The following LYG1 variants were observed in gnomAD, a reference collection of about 807,000 sequenced individuals.
LYG1 encodes the protein lysozyme g1, also known as lysozyme g-like protein 1.
In LYG1, 17 loss-of-function variants were observed where a neutral mutation model predicts 21.7. The ratio of observed to expected loss-of-function variants is 0.78; its 90% CI spans 0.54 to 1.18. The LOEUF is 1.18. Ranked by LOEUF, LYG1 falls within the 50% of genes most tolerant of loss-of-function variation. The pLI is 0.00. For synonymous variants in LYG1, 81 were observed against 87.4 expected, an observed-to-expected ratio of 0.93 and a Z score of 0.41; for missense variants, 211 against 238.1, an observed-to-expected ratio of 0.89 and a Z score of 0.75.
At chr2:99,284,604 G>A in intron 6 of LYG1, 84 bp downstream of exon 6, 1 of 1,592,942 alleles carries the variant, frequency 6.3e-7, no homozygotes, top group Non-Finnish European at 8.6e-7. Context: ...GGCAGCTGGA[G>A]TTTCGGGGAA....
chr2:99,302,201 C>G (rs1372255866), upstream of LYG1, among the ~76,000 whole-genome samples: 3 of 152,230 alleles, frequency 2.0e-5, no homozygotes, highest in Non-Finnish European at 4.4e-5. Flanking sequence ...CAGTAAAACA[C>G]GTGGAATCAA....
chr2:99,288,956 C>T (rs2094110512), intron 5 of LYG1, among the ~76,000 whole-genome samples: 1 of 152,116 alleles, frequency 6.6e-6, no homozygotes, highest in African/African-American at 2.4e-5. Flanking sequence ...TTCCAGCACC[C>T]ATCATATTGA....
chr2:99,297,162 T>C (rs777812909), intron 2 of LYG1, among the ~76,000 whole-genome samples: 24 of 152,358 alleles, frequency 1.6e-4, no homozygotes, highest in Admixed American at 9.1e-4. Flanking sequence ...CAAAATGTCA[T>C]GGTCAGTCCC....
At chr2:99,290,980 A>T (rs190550497) in intron 5 of LYG1, among the ~76,000 whole-genome samples, 1 of 152,308 alleles carries the variant, frequency 6.6e-6, no homozygotes, top group Non-Finnish European at 1.5e-5. Flanking sequence ...CTCTTGGACC[A>T]CTTAGGTCCA....
intron 5 of LYG1, among the ~76,000 whole-genome samples, chr2:99,289,153 C>T (rs1235747893): frequency 1.3e-5 from 2 of 152,062 alleles, no homozygotes; most frequent in African/African-American, 4.8e-5. Context: ...AGTCAGTAAA[C>T]TAGACTTAAA....
At chr2:99,302,828 G>C (rs1448987227), upstream of LYG1, among the ~76,000 whole-genome samples, 1 of 151,902 alleles carries the variant, frequency 6.6e-6, no homozygotes, top group African/African-American at 2.4e-5. Flanking sequence ...GACCAGCCTG[G>C]CCAACATGGC....
At chr2:99,291,143 T>C in intron 5 of LYG1, 94 bp downstream of exon 5, 1 of 1,211,126 alleles carries the variant, frequency 8.3e-7, no homozygotes, top group Non-Finnish European at 1.2e-6. Flanking sequence ...CCTTCATTCA[T>C]GCTGTGTTCT....
intron 5 of LYG1, among the ~76,000 whole-genome samples, chr2:99,289,709 T>C (rs1470647877): frequency 6.6e-6 from 1 of 152,152 alleles, no homozygotes; most frequent in Non-Finnish European, 1.5e-5. Context: ...CTGTCTGAAC[T>C]TGTAATTCTT....
chr2:99,292,985 C>CTTTTTTT (rs70940159), intron 3 of LYG1, among the ~76,000 whole-genome samples: 99 of 83,134 alleles, frequency 1.2e-3, no homozygotes, highest in Admixed American at 1.7e-3. Context: ...CCTCATCTTA[C>CTTTTTTT]TTTTTTTTTT....
intron 6 of LYG1, 31 bp from the exon 7 acceptor site, chr2:99,284,542 C>T (rs535784251): frequency 3.1e-6 from 5 of 1,605,716 alleles, no homozygotes; most frequent in Non-Finnish European, 4.3e-6. Context: ...TAATGCTGAC[C>T]TAGGGTACTC....
At chr2:99,286,303 T>G (rs961215989) in intron 5 of LYG1, among the ~76,000 whole-genome samples, 19 of 152,190 alleles carry the variant, frequency 1.2e-4, no homozygotes, top group Non-Finnish European at 4.4e-5. Flanking sequence ...CAACTAGGGT[T>G]GGTGAGGATG....
intron 5 of LYG1, 21 bp downstream of exon 5, chr2:99,291,216 T>A (rs1398937646): frequency 9.9e-6 from 16 of 1,609,644 alleles, no homozygotes; most frequent in Non-Finnish European, 1.4e-5. Flanking sequence ...TGGCCACATG[T>A]GTCAACGGAT....
chr2:99,304,359 C>G (rs777179073), upstream of LYG1, among the ~76,000 whole-genome samples: 21 of 152,200 alleles, frequency 1.4e-4, no homozygotes, highest in Non-Finnish European at 2.4e-4. Context: ...GTGAGACATG[C>G]CTTTCACCTT....
At chr2:99,295,820 A>G in intron 2 of LYG1, 118 bp from the exon 3 acceptor site, 1 of 961,732 alleles carries the variant, frequency 1.0e-6, no homozygotes, top group Non-Finnish European at 1.6e-6. Flanking sequence ...CTGACCTAAG[A>G]AAATGAATTA....
rs149905462 is a variant in LYG1, at chr2:99,292,615, T to A, written c.69A>T (p.Gly23=). 6,795 of 1,614,056 alleles carry A rather than the reference T, an allele frequency of 4.2e-3. 18 individuals are homozygous for A. The highest frequency in any genetic ancestry group is 6.0e-3 in the Admixed American group (363 of 60,022). ...LMDLSESSNW[G]CYGNIQSLDT... ...CCAGGCTTTGGATGTTTCCATAGCA[T>A]CCCCAGTTGCTGCTTTCAGACAAGT... is the stretch of plus-strand genomic sequence containing the variant. The change falls in exon 4 of 7, where the codon GGA becomes GGT. Residue 23 remains glycine (G), a synonymous_variant. Transcript: ENST00000308528.
chr2:99,301,533 G>C (rs2094154444), upstream of LYG1, among the ~76,000 whole-genome samples: 1 of 134,452 alleles, frequency 7.4e-6, no homozygotes, highest in Non-Finnish European at 1.6e-5. Flanking sequence ...AATTGAACTT[G>C]GTGTGTCAGA....
chr2:99,299,908 A>G (rs2094149197), intron 1 of LYG1, among the ~76,000 whole-genome samples: 1 of 151,726 alleles, frequency 6.6e-6, no homozygotes, highest in South Asian at 2.1e-4. Flanking sequence ...CCCTCCCTAC[A>G]TATATACACA....
intron 5 of LYG1, among the ~76,000 whole-genome samples, chr2:99,287,868 G>A (rs532076745): frequency 6.6e-6 from 1 of 152,108 alleles, no homozygotes; most frequent in African/African-American, 2.4e-5. Flanking sequence ...TGTTCCTCAT[G>A]TGCAGGAAAC....
upstream of LYG1, chr2:99,304,736 T>C (rs1430164432): frequency 2.6e-5 from 4 of 152,182 alleles, no homozygotes; most frequent in East Asian, 3.8e-4. Context: ...CTGGGCAACA[T>C]AGCAACATCC....
Sources: allele counts gnomAD v4.1 joint callset (sites outside exome capture counted in the v4.1 genomes callset), GRCh38; gene constraint gnomAD v4.1.1; transcripts MANE v1.5; gene names NCBI Gene and HGNC (gene_info 2026-07-23, HGNC 2026-07-21).